SNRPN: variants seen among roughly 807,000 people sequenced by gnomAD.
SNRPN encodes the protein small nuclear ribonucleoprotein polypeptide N, also known as small nuclear ribonucleoprotein-associated protein N.
A neutral mutation model predicts 25.2 loss-of-function variants in SNRPN; 7 were observed. The ratio of observed to expected loss-of-function variants is 0.28; its 90% CI spans 0.16 to 0.52. The LOEUF (loss-of-function observed/expected upper bound fraction) is 0.52. Ranked by LOEUF, SNRPN falls within the 20% of genes least tolerant of loss-of-function variation. The pLI is 0.96. For synonymous variants in SNRPN, 124 were observed against 110.6 expected, an observed-to-expected ratio of 1.12 and a Z score of -0.76; for missense variants, 196 against 322.5, an observed-to-expected ratio of 0.61 and a Z score of 3.00.
intron 1 of SNRPN, among the ~76,000 whole-genome samples, chr15:24,956,715 G>A (rs144707247): frequency 6.6e-6 from 1 of 152,320 alleles, no homozygotes; most frequent in Admixed American, 6.5e-5. Flanking sequence ...GGAGGAGGGA[G>A]ATGGGTTGGC....
At chr15:24,838,767 A>C (rs11856393) in intron 2 of SNRPN, among the ~76,000 whole-genome samples, 2,123 of 152,126 alleles carry the variant, frequency 0.014, 68 homozygotes, top group African/African-American at 0.048. Context: ...TGATAACATA[A>C]GCCACCCCAC....
intron 3 of SNRPN, among the ~76,000 whole-genome samples, chr15:24,944,258 T>C (rs1277441082): frequency 6.6e-6 from 1 of 152,234 alleles, no homozygotes; most frequent in Admixed American, 6.5e-5. Context: ...ATGTAGCACA[T>C]GAGCTGGGTG....
Position 24,954,992 on chromosome 15 carries a change from G to C in SNRPN, c.-461G>C. The stretch of plus-strand genomic sequence containing the variant: ...GCTGCTGCAGCGAGTCTGGCGCAGA[G>C]TGGAGCGGCCGCCGGAGATGCCTGA... On this transcript the variant is annotated 5_prime_UTR_variant, in exon 1 of 10. Transcript: ENST00000390687. 1.2e-6 allele frequency: 2 copies of C among 1,609,788 alleles called. No homozygotes were observed. The highest frequency in any genetic ancestry group is 1.7e-6 in the Non-Finnish European group (2 of 1,179,058).
chr15:24,935,048 G>C (rs188751209), intron 3 of SNRPN, among the ~76,000 whole-genome samples: 9 of 152,222 alleles, frequency 5.9e-5, no homozygotes, highest in Admixed American at 1.3e-4. Flanking sequence ...GTTGCAGGCC[G>C]GTTGCCTGAC....
At chr15:24,853,787 C>T (rs565973124), upstream of SNRPN, among the ~76,000 whole-genome samples, 6 of 152,264 alleles carry the variant, frequency 3.9e-5, no homozygotes, top group African/African-American at 1.4e-4. Context: ...TCATGTTGAC[C>T]TTAATTTGAT....
At chr15:24,847,884 T>C (rs1351173529) in intron 2 of SNRPN, among the ~76,000 whole-genome samples, 2 of 152,020 alleles carry the variant, frequency 1.3e-5, no homozygotes, top group Non-Finnish European at 2.9e-5. Flanking sequence ...CTTTGCAGTG[T>C]TGCAGTGTCA....
chr15:24,833,652 C>T (rs1396121610), intron 2 of SNRPN, among the ~76,000 whole-genome samples: 1 of 151,990 alleles, frequency 6.6e-6, no homozygotes. Flanking sequence ...CGATGTGTAA[C>T]ATAGACTATT....
chr15:24,920,547 G>C (rs759153842), intron 3 of SNRPN: 9 of 152,118 alleles, frequency 5.9e-5, no homozygotes, highest in Non-Finnish European at 1.0e-4. Context: ...CGTTGAGAGA[G>C]GTGGGATTCG....
intron 3 of SNRPN, among the ~76,000 whole-genome samples, chr15:24,940,972 T>G (rs144353982): frequency 6.6e-6 from 1 of 152,236 alleles, no homozygotes; most frequent in East Asian, 1.9e-4. Context: ...GATCTTAATC[T>G]GTTTTCTTTT....
chr15:24,970,471 C>T (rs1020351079), intron 3 of SNRPN, among the ~76,000 whole-genome samples: 2 of 151,744 alleles, frequency 1.3e-5, no homozygotes, highest in African/African-American at 2.4e-5. Flanking sequence ...CCCAGCTACT[C>T]GGGAGGCTGA....
At chr15:24,835,884 C>G (rs117292838) in intron 2 of SNRPN, among the ~76,000 whole-genome samples, 8 of 151,672 alleles carry the variant, frequency 5.3e-5, no homozygotes, top group Non-Finnish European at 1.0e-4. Flanking sequence ...AGGCTGGTCT[C>G]GAACTCCTAG....
intron 2 of SNRPN, among the ~76,000 whole-genome samples, chr15:24,915,254 A>T (rs2059441930): frequency 6.6e-6 from 1 of 151,692 alleles, no homozygotes; most frequent in African/African-American, 2.4e-5. Context: ...CAGCCTCCTG[A>T]GTAGCTGGGA....
At chr15:24,852,197 A>C (rs2052919467), upstream of SNRPN, 1 of 152,126 alleles carries the variant, frequency 6.6e-6, no homozygotes, top group African/African-American at 2.4e-5. Flanking sequence ...TTCCCTGTTA[A>C]TGTTGGATAC....
intron 1 of SNRPN, among the ~76,000 whole-genome samples, chr15:24,871,199 A>T (rs1286429119): frequency 1.3e-5 from 2 of 151,870 alleles, no homozygotes; most frequent in Admixed American, 6.6e-5. Context: ...CTTACAAATA[A>T]TATTTTTAAT....
intron 1 of SNRPN, among the ~76,000 whole-genome samples, chr15:24,868,031 T>A (rs2054742211): frequency 6.6e-6 from 1 of 152,072 alleles, no homozygotes. Context: ...GATAACAGTT[T>A]GTTAAAAACA....
chr15:24,954,464 T>C (rs911120390), upstream of SNRPN, among the ~76,000 whole-genome samples: 7 of 152,306 alleles, frequency 4.6e-5, no homozygotes, highest in East Asian at 1.4e-3. Context: ...CCCCTCAAAA[T>C]GTAGAAAGTA....
In SNRPN at chr15:24,910,808, C is replaced by A. The variant is rs1340454990; in HGVS notation, c.-504-9203C>A. On this transcript the variant is annotated intron_variant, in intron 2 of 11. Coordinates refer to the SNRPN transcript ENST00000400097. ...TCACCTGGCCAAAGACTATTATTATCATTATTTTATCCAAAATGTGTTTAT... is the reference window on the plus strand; with the variant it reads ...TCACCTGGCCAAAGACTATTATTATAATTATTTTATCCAAAATGTGTTTAT... 4 of 473,690 alleles carry A rather than the reference C, an allele frequency of 8.4e-6. No homozygotes were observed. In the South Asian group the frequency reaches 1.0e-4, roughly 12 times the overall value. The allele number at this position is 473,690 out of a possible 1,614,324, so 29.3% of individuals were successfully genotyped here. A position where few individuals can be genotyped will look rare whatever the true frequency, so the allele number is the denominator to read the frequency against.
chr15:24,953,637 A>G (rs1035647417), upstream of SNRPN, among the ~76,000 whole-genome samples: 10 of 152,118 alleles, frequency 6.6e-5, no homozygotes, highest in African/African-American at 2.4e-4. Flanking sequence ...TTATTTTTCG[A>G]TTGACTCCCG....
intron 2 of SNRPN, among the ~76,000 whole-genome samples, chr15:24,887,766 T>C (rs762896894): frequency 1.3e-5 from 2 of 152,010 alleles, no homozygotes; most frequent in Non-Finnish European, 2.9e-5. Context: ...CCCCAGCCCA[T>C]GAGGTCTGCA....
Sources: allele counts gnomAD v4.1 joint callset (sites outside exome capture counted in the v4.1 genomes callset), GRCh38; gene constraint gnomAD v4.1.1; transcripts MANE v1.5; gene names NCBI Gene and HGNC (gene_info 2026-07-23, HGNC 2026-07-21).